MAGI2: variants seen among roughly 807,000 people sequenced by gnomAD.
The protein encoded by MAGI2 is membrane associated guanylate kinase, WW and PDZ domain containing 2, also known as membrane-associated guanylate kinase, WW and PDZ domain-containing protein 2.
Under a neutral mutation model 133.3 loss-of-function variants are expected in MAGI2, and 35 were observed. The ratio of observed to expected loss-of-function variants is 0.26; its 90% CI spans 0.20 to 0.35. MAGI2 has a LOEUF of 0.35. MAGI2 is among the 10% of genes least tolerant of loss of function. The probability of loss-of-function intolerance (pLI) is 1.00; values close to 1 mark genes in which losing one functional copy is unlikely to be tolerated. For missense variants in MAGI2, 1,636 were observed against 1,863.4 expected, an observed-to-expected ratio of 0.88 and a Z score of 2.25; for synonymous variants, 729 against 710.6, an observed-to-expected ratio of 1.03 and a Z score of -0.41.
chr7:78,769,788 T>C (rs1017141342), intron 2 of MAGI2, among the ~76,000 whole-genome samples: 1 of 152,170 alleles, frequency 6.6e-6, no homozygotes, highest in African/African-American at 2.4e-5. Context: ...AGAGTCCCCA[T>C]TACAAATGTG....
At chr7:78,542,873 G>A (rs1798528058) in intron 3 of MAGI2, among the ~76,000 whole-genome samples, 1 of 152,164 alleles carries the variant, frequency 6.6e-6, no homozygotes. Context: ...GTTACGCTGT[G>A]GAAAACAGAT....
intron 6 of MAGI2, among the ~76,000 whole-genome samples, chr7:78,411,885 T>C (rs986579415): frequency 6.6e-6 from 1 of 152,004 alleles, no homozygotes; most frequent in Non-Finnish European, 1.5e-5. Flanking sequence ...AGACTAGATA[T>C]TACCATTTTG....
chr7:78,925,568 T>C (rs1799631240), intron 2 of MAGI2, among the ~76,000 whole-genome samples: 1 of 151,022 alleles, frequency 6.6e-6, no homozygotes, highest in Non-Finnish European at 1.5e-5. Context: ...AAGATATTAA[T>C]TGCCTTTTTA....
At chr7:78,278,985 T>G (rs894193085) in intron 9 of MAGI2, among the ~76,000 whole-genome samples, 5 of 152,172 alleles carry the variant, frequency 3.3e-5, no homozygotes, top group African/African-American at 1.2e-4. Context: ...TTATTAAACT[T>G]ATTGAAGAAA....
At chr7:79,401,370 C>A (rs1447502797) in intron 1 of MAGI2, among the ~76,000 whole-genome samples, 1 of 152,198 alleles carries the variant, frequency 6.6e-6, no homozygotes, top group African/African-American at 2.4e-5. Flanking sequence ...TATGCTGTTT[C>A]TCTCATTCTG....
At chr7:79,262,177 C>A (rs1259989326) in intron 1 of MAGI2, among the ~76,000 whole-genome samples, 1 of 152,124 alleles carries the variant, frequency 6.6e-6, no homozygotes, top group Non-Finnish European at 1.5e-5. Flanking sequence ...TTCTACTTTG[C>A]CCTTCCTTCT....
chr7:79,000,948 T>C lies in MAGI2; in HGVS notation c.418+6142A>G, dbSNP rs543335330. 3.9e-5 allele frequency among the ~76,000 whole-genome samples: 6 copies of C among 152,278 alleles called. No homozygotes were observed. In the South Asian group the frequency reaches 1.2e-3, roughly 32 times the overall value. On this transcript the variant is annotated intron_variant, in intron 2 of 21. Coordinates refer to ENST00000354212, the MANE Select transcript of MAGI2 (RefSeq NM_012301.4). ...TTCACTGTTTTTTGAGATGGAATCT[T>C]GCTGTGTTTCCAGGCTGGAGTATAG...
intron 2 of MAGI2, among the ~76,000 whole-genome samples, chr7:78,800,742 T>C (rs1787992867): frequency 6.6e-6 from 1 of 152,170 alleles, no homozygotes; most frequent in Non-Finnish European, 1.5e-5. Context: ...TAGGACTTTA[T>C]GTCATTTTCT....
chr7:78,711,962 T>C (rs1195105276), intron 2 of MAGI2, among the ~76,000 whole-genome samples: 1 of 152,188 alleles, frequency 6.6e-6, no homozygotes, highest in African/African-American at 2.4e-5. Flanking sequence ...TCCTAAGCTT[T>C]CTATCTTTCT....
intron 1 of MAGI2, among the ~76,000 whole-genome samples, chr7:79,053,514 T>G (rs1205556746): frequency 6.6e-6 from 1 of 152,188 alleles, no homozygotes; most frequent in Non-Finnish European, 1.5e-5. Flanking sequence ...TTCAATTCAT[T>G]TAAAGTGAAA....
intron 9 of MAGI2, among the ~76,000 whole-genome samples, chr7:78,266,999 G>A (rs1419734895): frequency 6.6e-6 from 1 of 152,080 alleles, no homozygotes; most frequent in Non-Finnish European, 1.5e-5. Context: ...ACCCACACTG[G>A]GTGTTGCAGG....
chr7:78,982,869 G>A (rs940525302), intron 2 of MAGI2, among the ~76,000 whole-genome samples: 2 of 151,854 alleles, frequency 1.3e-5, no homozygotes, highest in Non-Finnish European at 2.9e-5. Flanking sequence ...GCTGGTGCTA[G>A]CAGTTAATTT....
intron 12 of MAGI2, among the ~76,000 whole-genome samples, chr7:78,189,607 A>C (rs1435143680): frequency 6.6e-6 from 1 of 152,224 alleles, no homozygotes; most frequent in East Asian, 1.9e-4. Flanking sequence ...ACCAAAGTTC[A>C]ATGTGAAGAG....
At chr7:79,226,175 G>T (rs1830838178) in intron 1 of MAGI2, among the ~76,000 whole-genome samples, 1 of 152,082 alleles carries the variant, frequency 6.6e-6, no homozygotes, top group Non-Finnish European at 1.5e-5. Context: ...TTTACTCTCT[G>T]GTAAAGAATG....
At chr7:78,438,433 G>A (rs369760853) in intron 6 of MAGI2, among the ~76,000 whole-genome samples, 29 of 152,208 alleles carry the variant, frequency 1.9e-4, no homozygotes, top group African/African-American at 6.3e-4. Flanking sequence ...AATCTGGTAC[G>A]AGTTCCCTGG....
chr7:79,395,200 A>G (rs1844957911), intron 1 of MAGI2, among the ~76,000 whole-genome samples: 1 of 152,214 alleles, frequency 6.6e-6, no homozygotes, highest in Non-Finnish European at 1.5e-5. Context: ...AAATAAATGT[A>G]AAAGTGAGCT....
chr7:78,604,879 T>C (rs963126858), intron 3 of MAGI2, among the ~76,000 whole-genome samples: 7 of 152,262 alleles, frequency 4.6e-5, no homozygotes, highest in African/African-American at 1.7e-4. Flanking sequence ...TCTATTCATG[T>C]AATTATGAGT....
Position 78,619,482 on chromosome 7 carries a change from C to T in MAGI2, c.538+7638G>A, listed in dbSNP as rs181111927. Among the ~76,000 whole-genome samples the T allele has an allele frequency of 7.0e-4, 107 of 151,936 alleles. 1 individual carries two copies. Among genetic ancestry groups the T allele is most frequent in the Admixed American group, 7.0e-3 (107 of 15,232 alleles). Reference sequence around the variant, plus strand: ...GTGTCAGAGCAAGTCACTTCATTTTCTGTGATATTAGTCTTTAAGTTAATA... The same window carrying T: ...GTGTCAGAGCAAGTCACTTCATTTTTTGTGATATTAGTCTTTAAGTTAATA... On this transcript the variant is annotated intron_variant, in intron 3 of 21. Transcript: ENST00000354212.
intron 3 of MAGI2, among the ~76,000 whole-genome samples, chr7:78,573,746 C>T (rs1801979185): frequency 6.6e-6 from 1 of 151,802 alleles, no homozygotes; most frequent in South Asian, 2.1e-4. Context: ...GGGTGGGGCT[C>T]ATCCACTGAT....
Sources: allele counts gnomAD v4.1 joint callset (sites outside exome capture counted in the v4.1 genomes callset), GRCh38; gene constraint gnomAD v4.1.1; transcripts MANE v1.5; gene names NCBI Gene and HGNC (gene_info 2026-07-23, HGNC 2026-07-21).